ZNF141: variants seen among roughly 807,000 people sequenced by gnomAD.
ZNF141 encodes the protein zinc finger protein 141.
Under a neutral mutation model 11.3 loss-of-function variants are expected in ZNF141, and 7 were observed. The observed-to-expected ratio is 0.62, with a 90% CI of 0.35 to 1.16. ZNF141 has a LOEUF of 1.16. Among genes scored for constraint, ZNF141 ranks in the 50% most tolerant of loss-of-function variants. The pLI, the probability that ZNF141 is intolerant of heterozygous loss-of-function variation, is 0.02. For missense variants in ZNF141, 535 were observed against 554.0 expected (o/e 0.97, Z 0.34); for synonymous variants, 183 against 190.7 (o/e 0.96, Z 0.33).
rs1322287117 is a variant in ZNF141 at position 372,752 on chromosome 4, A to T, written c.315A>T (p.Lys105Asn). Residue 105 changes from lysine to asparagine, a missense_variant, in exon 4 of 4, where the codon AAA (lysine) becomes AAT (asparagine). Lys to Asn is a moderately conservative substitution (Grantham distance 94, BLOSUM62 0). Transcript: ENST00000240499. ...AACTTATACTGAGAAGATATGAGAA[A>T]TGTGGACATGATAATTTACAATTAA... is the stretch of plus-strand genomic sequence containing the variant. ...FHKLILRRYE[K>N]CGHDNLQLRK... 6.2e-7 allele frequency: 1 copy of T among 1,613,730 alleles called. No individual in the cohort carries two copies. Among genetic ancestry groups the T allele is most frequent in the African/African-American group, 1.3e-5 (1 of 74,924 alleles).
Position 383,363 on chromosome 4 carries a change from C to T in ZNF141, c.*9501C>T, listed in dbSNP as rs1712750550. 4 of 493,208 alleles carry T rather than the reference C, an allele frequency of 8.1e-6. No homozygotes were observed. The highest frequency in any genetic ancestry group is 1.1e-5 in the Non-Finnish European group (3 of 280,344). 30.6% of individuals were successfully genotyped at this position (493,208 alleles called of 1,614,324 possible). ...GTTATAAGTTAGTAATATATACACC[C>T]ATTAAAGACAGGATCTCAGGACAGA... On this transcript the variant is annotated 3_prime_UTR_variant, in exon 4 of 4. Coordinates refer to ENST00000240499, the MANE Select transcript of ZNF141 (RefSeq NM_003441.4).
At chr4:342,631 C>G (rs1553848675) in intron 1 of ZNF141, among the ~76,000 whole-genome samples, 1 of 152,164 alleles carries the variant, frequency 6.6e-6, no homozygotes, top group Non-Finnish European at 1.5e-5. Flanking sequence ...AGAGGCAGTG[C>G]TTAGCTAAGT....
In ZNF141 at chr4:369,764, A is replaced by ATT. The variant is rs34509477; in HGVS notation, c.227-2881_227-2880dup. Reference sequence around the variant, plus strand: ...TATATATATATATATATATATATATATTTTTTTTTTTTTTTTTTTTGAGAG... The same window carrying ATT: ...TATATATATATATATATATATATATATTTTTTTTTTTTTTTTTTTTTTGAGAG... On this transcript the variant is annotated intron_variant, in intron 3 of 3. Coordinates refer to ENST00000240499, the MANE Select transcript of ZNF141 (RefSeq NM_003441.4). 5.3e-4 allele frequency among the ~76,000 whole-genome samples: 26 copies of ATT among 48,722 alleles called. 2 individuals are homozygous for ATT. Among genetic ancestry groups the ATT allele is most frequent in the African/African-American group, 2.0e-3 (12 of 5,878 alleles). 32.0% of individuals were successfully genotyped at this position (48,722 alleles called of 152,430 possible).
intron 3 of ZNF141, among the ~76,000 whole-genome samples, chr4:351,898 G>C (rs1721621507): frequency 6.6e-6 from 1 of 152,190 alleles, no homozygotes; most frequent in South Asian, 2.1e-4. Context: ...GATATCCTCT[G>C]AGAGGGTGTA....
chr4:349,325 A>G (rs1721483139), intron 3 of ZNF141, among the ~76,000 whole-genome samples: 1 of 152,126 alleles, frequency 6.6e-6, no homozygotes, highest in Admixed American at 6.5e-5. Flanking sequence ...TGATACTTTA[A>G]TGAATGCATT....
Position 377,492 on chromosome 4 carries a change from A to C in ZNF141, c.*3630A>C, listed in dbSNP as rs558949567. Among the ~76,000 whole-genome samples, 1 of 152,310 alleles carries C rather than the reference A, an allele frequency of 6.6e-6. No individual in the cohort carries two copies. The highest frequency in any genetic ancestry group is 6.5e-5 in the Admixed American group (1 of 15,304). On this transcript the variant is annotated 3_prime_UTR_variant, in exon 4 of 4. Transcript: ENST00000240499. ...CAGTTTTGTGATATCTTTATGATTT[A>C]TCCCCAGCTATGTATGCCTCAGAGC...
chr4:362,943 C>T (rs1333859226), intron 3 of ZNF141, among the ~76,000 whole-genome samples: 29 of 152,176 alleles, frequency 1.9e-4, no homozygotes, highest in African/African-American at 7.0e-4. Context: ...ATGAGGATGG[C>T]ATTGAATCTA....
chr4:368,244 A>ATT (rs201465648), intron 3 of ZNF141, among the ~76,000 whole-genome samples: 1 of 149,710 alleles, frequency 6.7e-6, no homozygotes, highest in Non-Finnish European at 1.5e-5. Context: ...TTTTTAAAGG[A>ATT]TTTTTTTTTT....
At chr4:361,968 G>A (rs1711517106) in intron 3 of ZNF141, among the ~76,000 whole-genome samples, 1 of 152,168 alleles carries the variant, frequency 6.6e-6, no homozygotes, top group Non-Finnish European at 1.5e-5. Context: ...CTTCCACAAT[G>A]GTTGAACTAG....
rs1712401642 is a variant in ZNF141, at chr4:376,982, AGCTG to A, written c.*3122_*3125del. 6.6e-6 allele frequency among the ~76,000 whole-genome samples: 1 copy of A among 152,116 alleles called. No individual in the cohort carries two copies. The highest frequency in any genetic ancestry group is 6.5e-5 in the Admixed American group (1 of 15,278). On this transcript the variant is annotated 3_prime_UTR_variant, in exon 4 of 4. Coordinates refer to ENST00000240499, the MANE Select transcript of ZNF141 (RefSeq NM_003441.4). The stretch of plus-strand genomic sequence containing the variant: ...CACTTCATGAAGTGTTTATTATGTG[AGCTG>A]GTCAGAAATTATAAGAATGATTTTT...
chr4:350,709 A>C (rs1471854636), intron 3 of ZNF141, among the ~76,000 whole-genome samples: 2 of 152,068 alleles, frequency 1.3e-5, no homozygotes, highest in African/African-American at 4.8e-5. Context: ...TGTCTTTGCC[A>C]TAGTGAGTGA....
At chr4:362,450 G>C (rs1396047287) in intron 3 of ZNF141, among the ~76,000 whole-genome samples, 1 of 152,180 alleles carries the variant, frequency 6.6e-6, no homozygotes, top group Non-Finnish European at 1.5e-5. Context: ...TGAAGTACTT[G>C]CCCATGCCTG....
intron 3 of ZNF141, among the ~76,000 whole-genome samples, chr4:361,534 A>G (rs1233072207): frequency 4.6e-5 from 7 of 151,706 alleles, no homozygotes; most frequent in African/African-American, 1.7e-4. Flanking sequence ...CTCCCCGCCC[A>G]ACCCCACGAC....
chr4:381,584 A>G lies in ZNF141; in HGVS notation c.*7722A>G, dbSNP rs1553855665. On this transcript the variant is annotated 3_prime_UTR_variant, in exon 4 of 4. Coordinates refer to ENST00000240499, the MANE Select transcript of ZNF141 (RefSeq NM_003441.4). Reference sequence around the variant, plus strand: ...CCCACCACGCCTGAAAAATTTTTGTATTTTTAGTAGAGACGGGGTTTCACC... The same window carrying G: ...CCCACCACGCCTGAAAAATTTTTGTGTTTTTAGTAGAGACGGGGTTTCACC... 6.6e-6 allele frequency among the ~76,000 whole-genome samples: 1 copy of G among 151,528 alleles called. No individual in the cohort carries two copies. The highest frequency in any genetic ancestry group is 1.5e-5 in the Non-Finnish European group (1 of 67,904).
intron 1 of ZNF141, chr4:342,972 T>A: frequency 4.3e-6 from 6 of 1,411,614 alleles, no homozygotes; most frequent in Non-Finnish European, 6.0e-6. Context: ...CCTTATTTTT[T>A]AAAATCAGTT....
At chr4:356,986 A>G (rs568677386) in intron 3 of ZNF141, among the ~76,000 whole-genome samples, 1 of 151,852 alleles carries the variant, frequency 6.6e-6, no homozygotes, top group Non-Finnish European at 1.5e-5. Flanking sequence ...ATAGGGTCTT[A>G]CTTTGTTACT....
intron 3 of ZNF141, among the ~76,000 whole-genome samples, chr4:363,040 C>G (rs1711564187): frequency 6.6e-6 from 1 of 152,116 alleles, no homozygotes; most frequent in Non-Finnish European, 1.5e-5. Context: ...TGTTTGCGTC[C>G]TCTTTTATTT....
intron 3 of ZNF141, among the ~76,000 whole-genome samples, chr4:356,915 A>G (rs1285766878): frequency 6.7e-6 from 1 of 150,318 alleles, no homozygotes; most frequent in Non-Finnish European, 1.5e-5. Context: ...TTTCCAAGAG[A>G]CTTACATGAA....
chr4:344,493 A>G, intron 3 of ZNF141, 63 bp downstream of exon 3: 1 of 1,468,762 alleles, frequency 6.8e-7, no homozygotes, highest in Non-Finnish European at 9.3e-7. Context: ...GAAGGAAGCC[A>G]GGCCTTAAAA....
Sources: allele counts gnomAD v4.1 joint callset (sites outside exome capture counted in the v4.1 genomes callset), GRCh38; gene constraint gnomAD v4.1.1; transcripts MANE v1.5; gene names NCBI Gene and HGNC (gene_info 2026-07-23, HGNC 2026-07-21).